The following SCGN variants were observed in gnomAD, a reference collection of about 807,000 sequenced individuals.
SCGN encodes the protein secretagogin.
SCGN carries 30 observed loss-of-function variants against 39.7 expected under a neutral mutation model. The ratio of observed to expected loss-of-function variants is 0.76; its 90% CI spans 0.57 to 1.03. SCGN has a LOEUF of 1.03. Ranked by LOEUF, SCGN falls within the 50% of genes least tolerant of loss-of-function variation. SCGN has a pLI of 0.00. For missense variants in SCGN, 353 were observed against 349.4 expected, an observed-to-expected ratio of 1.01 and a Z score of -0.08; for synonymous variants, 106 against 114.1, an observed-to-expected ratio of 0.93 and a Z score of 0.45.
At chr6:25,667,144 A>C (rs572485697) in intron 4 of SCGN, among the ~76,000 whole-genome samples, 1 of 152,288 alleles carries the variant, frequency 6.6e-6, no homozygotes, top group African/African-American at 2.4e-5. Context: ...TACAGTGAAC[A>C]TGATATCAGA....
At chr6:25,701,125 G>A in intron 10 of SCGN, 82 bp from the exon 11 acceptor site, 2 of 1,500,176 alleles carry the variant, frequency 1.3e-6, no homozygotes, top group Admixed American at 2.0e-5. Flanking sequence ...GACACCCTAA[G>A]CTTAGGGAGC....
chr6:25,662,984 T>C (rs543744733), intron 3 of SCGN, among the ~76,000 whole-genome samples: 9 of 152,346 alleles, frequency 5.9e-5, no homozygotes, highest in South Asian at 4.1e-4. Flanking sequence ...CTGAAAACTA[T>C]GTCATTATCT....
chr6:25,658,002 CCTTTTTTTTTTTTTTT>C lies in SCGN; in HGVS notation c.154-3549_154-3534del, dbSNP rs1760258080. On this transcript the variant is annotated intron_variant, in intron 2 of 10. Transcript: ENST00000377961. Reference sequence around the variant, plus strand: ...GGTGTGTGTTCATTTAGAAAGGTATCCTTTTTTTTTTTTTTTTTTTTTTTTTTTTTTTTTTTTTTTT... The same window carrying C: ...GGTGTGTGTTCATTTAGAAAGGTATCTTTTTTTTTTTTTTTTTTTTTTTTT... Among the ~76,000 whole-genome samples, 7 of 47,646 alleles carry C rather than the reference CCTTTTTTTTTTTTTTT, an allele frequency of 1.5e-4. 2 individuals are homozygous for C. Among genetic ancestry groups the C allele is most frequent in the African/African-American group, 4.5e-4 (6 of 13,220 alleles). The allele number at this position is 47,646 out of a possible 152,430, so 31.3% of individuals were successfully genotyped here.
chr6:25,685,027 G>A (rs993280222), intron 7 of SCGN, among the ~76,000 whole-genome samples: 5 of 152,182 alleles, frequency 3.3e-5, no homozygotes, highest in Admixed American at 6.5e-5. Flanking sequence ...TCAGAGTCAC[G>A]GAGAGATTTG....
intron 10 of SCGN, among the ~76,000 whole-genome samples, chr6:25,699,978 G>A (rs1000373528): frequency 3.3e-5 from 5 of 152,108 alleles, no homozygotes; most frequent in Non-Finnish European, 7.4e-5. Context: ...GGGCACGGTG[G>A]CTCACTCCTG....
intron 7 of SCGN, among the ~76,000 whole-genome samples, chr6:25,683,623 T>C (rs1169510892): frequency 1.3e-5 from 2 of 148,322 alleles, no homozygotes; most frequent in South Asian, 4.3e-4. Flanking sequence ...ATAATGCACA[T>C]TTCAGTGTAT....
chr6:25,653,719 G>C (rs1352252476), intron 2 of SCGN, among the ~76,000 whole-genome samples: 4 of 152,162 alleles, frequency 2.6e-5, no homozygotes, highest in Non-Finnish European at 5.9e-5. Context: ...AGTTAACTTG[G>C]TCTTGAACGT....
At chr6:25,670,718 A>G (rs12211682) in intron 6 of SCGN, among the ~76,000 whole-genome samples, 16,897 of 152,212 alleles carry the variant, frequency 0.11, 989 homozygotes, top group East Asian at 0.16. Flanking sequence ...TGTTCCCCTC[A>G]TGTCATCCTT....
chr6:25,697,436 A>T (rs373963655), intron 10 of SCGN, among the ~76,000 whole-genome samples: 1 of 152,202 alleles, frequency 6.6e-6, no homozygotes, highest in East Asian at 1.9e-4. Flanking sequence ...CATCAGTGAA[A>T]CTCTAATTCA....
intron 6 of SCGN, among the ~76,000 whole-genome samples, chr6:25,677,419 A>G (rs558642069): frequency 6.6e-6 from 1 of 152,298 alleles, no homozygotes; most frequent in East Asian, 1.9e-4. Flanking sequence ...ACACAGAGTA[A>G]TTACCTGACA....
intron 4 of SCGN, 25 bp downstream of exon 4, chr6:25,665,057 G>A (rs1241918984): frequency 6.4e-7 from 1 of 1,556,486 alleles, no homozygotes; most frequent in Non-Finnish European, 8.9e-7. Context: ...GTGTCTCTGT[G>A]AAGAAAGAGG....
At chr6:25,653,492 G>C in intron 2 of SCGN, 40 bp downstream of exon 2, 1 of 1,435,012 alleles carries the variant, frequency 7.0e-7, no homozygotes, top group East Asian at 2.3e-5. Flanking sequence ...ATGCCTCTTA[G>C]TAAGATACGC....
chr6:25,653,313 T>A, intron 1 of SCGN, 69 bp from the exon 2 acceptor site: 2 of 1,097,458 alleles, frequency 1.8e-6, no homozygotes, highest in East Asian at 5.1e-5. Context: ...ATTAAAAACA[T>A]ATTTAGATAA....
intron 10 of SCGN, among the ~76,000 whole-genome samples, chr6:25,691,781 C>G (rs929456517): frequency 2.0e-5 from 3 of 152,130 alleles, no homozygotes; most frequent in African/African-American, 7.2e-5. Flanking sequence ...GTCTTGTATC[C>G]CTAGGGATTT....
chr6:25,678,349 G>T (rs1167198947), intron 6 of SCGN, among the ~76,000 whole-genome samples: 1 of 152,054 alleles, frequency 6.6e-6, no homozygotes, highest in Non-Finnish European at 1.5e-5. Context: ...TGTAAAGAGG[G>T]AGGAAAAATT....
intron 4 of SCGN, among the ~76,000 whole-genome samples, chr6:25,668,695 C>G (rs943137381): frequency 3.3e-5 from 5 of 152,208 alleles, no homozygotes; most frequent in Non-Finnish European, 7.3e-5. Context: ...TTGCCAGGGA[C>G]AGGCAGACAT....
chr6:25,701,067 C>T (rs188864029), intron 10 of SCGN, 140 bp from the exon 11 acceptor site: 5 of 838,992 alleles, frequency 6.0e-6, no homozygotes, highest in Admixed American at 3.6e-5. Context: ...TGGGATGAGG[C>T]GATAGACTCA....
chr6:25,653,321 T>G, intron 1 of SCGN, 61 bp from the exon 2 acceptor site: 1 of 1,134,596 alleles, frequency 8.8e-7, no homozygotes, highest in Non-Finnish European at 1.3e-6. Flanking sequence ...CATATTTAGA[T>G]AAATACTGTC....
At chr6:25,660,719 AC>A (rs1760320995) in intron 2 of SCGN, among the ~76,000 whole-genome samples, 2 of 152,094 alleles carry the variant, frequency 1.3e-5, no homozygotes, top group Non-Finnish European at 2.9e-5. Flanking sequence ...AGTCACCTCC[AC>A]CCCCAACACC....
Sources: allele counts gnomAD v4.1 joint callset (sites outside exome capture counted in the v4.1 genomes callset), GRCh38; gene constraint gnomAD v4.1.1; transcripts MANE v1.5; gene names NCBI Gene and HGNC (gene_info 2026-07-23, HGNC 2026-07-21).